Variants in ATXN1 observed in about 807,000 individuals in gnomAD.
ATXN1 encodes the protein ataxin 1, also known as ataxin-1.
ATXN1 carries 8 observed loss-of-function variants against 56.4 expected under a neutral mutation model. That is an observed-to-expected ratio of 0.14 (90% confidence interval 0.08 to 0.26). The LOEUF is 0.26. Ranked by LOEUF, ATXN1 falls within the 10% of genes least tolerant of loss-of-function variation. The pLI is 1.00. For synonymous variants in ATXN1, 514 were observed against 494.6 expected (o/e 1.04, Z -0.52); for missense variants, 987 against 1,106.5 (o/e 0.89, Z 1.53).
At chr6:16,719,048 T>C (rs1759695906) in intron 2 of ATXN1, among the ~76,000 whole-genome samples, 1 of 152,230 alleles carries the variant, frequency 6.6e-6, no homozygotes, top group South Asian at 2.1e-4. Context: ...CCCATAACAT[T>C]TGCAGAGTGC....
At chr6:16,687,657 T>TACACACACAC (rs57034032) in intron 2 of ATXN1, among the ~76,000 whole-genome samples, 8,215 of 143,268 alleles carry the variant, frequency 0.057, 298 homozygotes, top group East Asian at 0.1. Flanking sequence ...AAAGAAGAAA[T>TACACACACAC]ACACACACAC....
At chr6:16,626,961 A>G (rs902212970) in intron 3 of ATXN1, among the ~76,000 whole-genome samples, 2 of 152,184 alleles carry the variant, frequency 1.3e-5, no homozygotes, top group Non-Finnish European at 2.9e-5. Flanking sequence ...CTCTAGAATC[A>G]TAAGAAAATA....
At chr6:16,390,317 G>A (rs2113520361) in intron 6 of ATXN1, among the ~76,000 whole-genome samples, 1 of 152,122 alleles carries the variant, frequency 6.6e-6, no homozygotes, top group Non-Finnish European at 1.5e-5. Context: ...TCACCTTCCT[G>A]GCTAATCTTT....
intron 6 of ATXN1, among the ~76,000 whole-genome samples, chr6:16,484,951 G>A (rs1434620389): frequency 4.4e-5 from 4 of 89,992 alleles, no homozygotes; most frequent in Non-Finnish European, 1.0e-4. Context: ...ATATATATGT[G>A]TGTGTGTGTG....
At chr6:16,366,624 T>C (rs1761926448) in intron 6 of ATXN1, among the ~76,000 whole-genome samples, 1 of 151,516 alleles carries the variant, frequency 6.6e-6, no homozygotes, top group African/African-American at 2.4e-5. Context: ...CTATTAAAAA[T>C]ACAAAAATTA....
At chr6:16,321,948 G>GC (rs34704575) in intron 7 of ATXN1, among the ~76,000 whole-genome samples, 8 of 152,196 alleles carry the variant, frequency 5.3e-5, no homozygotes, top group African/African-American at 1.9e-4. Flanking sequence ...GTGGCCGGGC[G>GC]CCGTGGCTCA....
intron 6 of ATXN1, among the ~76,000 whole-genome samples, chr6:16,448,333 C>G (rs1191364383): frequency 6.6e-6 from 1 of 152,202 alleles, no homozygotes; most frequent in South Asian, 2.1e-4. Flanking sequence ...TCTAAAAGAG[C>G]AGGCCCCCTC....
At chr6:16,646,491 TATC>T (rs1763800249) in intron 3 of ATXN1, among the ~76,000 whole-genome samples, 1 of 152,214 alleles carries the variant, frequency 6.6e-6, no homozygotes, top group Non-Finnish European at 1.5e-5. Context: ...CACTCACCGT[TATC>T]ATCATTATCA....
intron 6 of ATXN1, among the ~76,000 whole-genome samples, chr6:16,366,577 T>TG (rs1423538488): frequency 4.6e-5 from 7 of 152,228 alleles, no homozygotes; most frequent in Middle Eastern, 3.4e-3. Context: ...GGTCAGGTGT[T>TG]GGAGACCAGA....
intron 7 of ATXN1, among the ~76,000 whole-genome samples, chr6:16,313,141 A>G (rs1395698492): frequency 6.6e-6 from 1 of 152,200 alleles, no homozygotes; most frequent in African/African-American, 2.4e-5. Context: ...TGGCATCCCA[A>G]AGTGCTGGGA....
intron 7 of ATXN1, among the ~76,000 whole-genome samples, chr6:16,316,933 AGAG>A (rs1456310178): frequency 7.9e-6 from 1 of 127,212 alleles, no homozygotes; most frequent in Non-Finnish European, 1.6e-5. Flanking sequence ...TCCCCCAGGG[AGAG>A]GAGCAGTGCT....
chr6:16,552,683 G>T (rs539646508), intron 4 of ATXN1, among the ~76,000 whole-genome samples: 1 of 152,298 alleles, frequency 6.6e-6, no homozygotes, highest in South Asian at 2.1e-4. Flanking sequence ...ATCTATCTTC[G>T]CTGTGACAGA....
chr6:16,508,493 GC>G, intron 5 of ATXN1, among the ~76,000 whole-genome samples: 1 of 152,170 alleles, frequency 6.6e-6, no homozygotes, highest in Middle Eastern at 3.4e-3. Context: ...TATAATGCAG[GC>G]CCAGACTTCT....
At chr6:16,574,399 G>T (rs12178213) in intron 4 of ATXN1, among the ~76,000 whole-genome samples, 2,192 of 152,256 alleles carry the variant, frequency 0.014, 66 homozygotes, top group African/African-American at 0.049. Context: ...AGTAGAAACG[G>T]GGTTTCTCCA....
chr6:16,524,761 GCC>G lies in ATXN1; in HGVS notation c.-360-2075_-360-2074del, dbSNP rs1173650936. Among the ~76,000 whole-genome samples the G allele has an allele frequency of 2.8e-3, 422 of 152,252 alleles. 4 individuals carry two copies. Among genetic ancestry groups the G allele is most frequent in the African/African-American group, 9.7e-3 (404 of 41,538 alleles). On this transcript the variant is annotated intron_variant, in intron 4 of 7. Coordinates refer to ENST00000436367, the MANE Select transcript of ATXN1 (RefSeq NM_001128164.2). ...AGAGACTTTGGTGACTTAATAATTT[GCC>G]AGAATGTGACTGGGCGTGGTGGCTC...
At chr6:16,449,966 G>T (rs1759721540) in intron 6 of ATXN1, among the ~76,000 whole-genome samples, 1 of 152,120 alleles carries the variant, frequency 6.6e-6, no homozygotes, top group South Asian at 2.1e-4. Flanking sequence ...AAGCTTCATT[G>T]TTCTTTCTTC....
chr6:16,388,646 T>C (rs1215386703), intron 6 of ATXN1, among the ~76,000 whole-genome samples: 1 of 152,238 alleles, frequency 6.6e-6, no homozygotes, highest in Non-Finnish European at 1.5e-5. Context: ...AAAGCTGGCA[T>C]GATTCAATAA....
At chr6:16,629,799 C>A (rs545666176) in intron 3 of ATXN1, among the ~76,000 whole-genome samples, 2 of 151,758 alleles carry the variant, frequency 1.3e-5, no homozygotes, top group Middle Eastern at 6.8e-3. Flanking sequence ...CGCCTGTAAT[C>A]CCAGCTACTT....
At chr6:16,561,299 C>T (rs1453579440) in intron 4 of ATXN1, among the ~76,000 whole-genome samples, 1 of 152,074 alleles carries the variant, frequency 6.6e-6, no homozygotes, top group Non-Finnish European at 1.5e-5. Flanking sequence ...TGATTAACTG[C>T]AAAATGGTGC....
Sources: allele counts gnomAD v4.1 joint callset (sites outside exome capture counted in the v4.1 genomes callset), GRCh38; gene constraint gnomAD v4.1.1; transcripts MANE v1.5; gene names NCBI Gene and HGNC (gene_info 2026-07-23, HGNC 2026-07-21).